The following AFG1L variants were observed in gnomAD, a reference collection of about 807,000 sequenced individuals.
AFG1L encodes AFG1 like ATPase.
AFG1L carries 53 observed loss-of-function variants against 62.2 expected under a neutral mutation model. The observed-to-expected ratio is 0.85, with a 90% CI of 0.68 to 1.07. AFG1L has a LOEUF of 1.07. Among genes scored for constraint, AFG1L ranks in the 50% least tolerant of loss-of-function variants. The probability of loss-of-function intolerance (pLI) is 0.00; values close to 1 mark genes in which losing one functional copy is unlikely to be tolerated. For missense variants in AFG1L, 555 were observed against 590.5 expected (o/e 0.94, Z 0.62); for synonymous variants, 228 against 210.3 (o/e 1.08, Z -0.73).
chr6:108,447,286 C>G lies in AFG1L; in HGVS notation c.880C>G (p.Leu294Val), dbSNP rs879438416. The G allele has an allele frequency of 6.3e-7, 1 of 1,586,518 alleles. No homozygotes were observed. The highest frequency in any genetic ancestry group is 8.7e-7 in the Non-Finnish European group (1 of 1,155,446). ...AAGGGAACTTCCTGCTGCAGGAAAA[C>G]TCTACTACCTGTAAGTGTTTCTAAT... ...RKRELPAAGK[L>V]YYLTSEADVE... The change falls in exon 8 of 13, where the codon CTC becomes GTC. Residue 294 changes from leucine to valine, a missense_variant. Physicochemically the swap from Leu to Val is conservative, Grantham distance 32. Coordinates refer to ENST00000368977, the MANE Select transcript of AFG1L (RefSeq NM_145315.5).
At chr6:108,510,155 C>A in intron 10 of AFG1L, 57 bp from the exon 11 acceptor site, 1 of 1,416,946 alleles carries the variant, frequency 7.1e-7, no homozygotes, top group Non-Finnish European at 9.6e-7. Context: ...TAAACCACTC[C>A]AAAGGCAACC....
chr6:108,339,611 C>T (rs1450404397), intron 2 of AFG1L, among the ~76,000 whole-genome samples: 2 of 151,958 alleles, frequency 1.3e-5, no homozygotes, highest in East Asian at 3.9e-4. Context: ...AGGTGTGTGC[C>T]ACCATGTCTG....
intron 11 of AFG1L, among the ~76,000 whole-genome samples, chr6:108,516,030 G>A (rs1289965729): frequency 1.3e-5 from 2 of 152,136 alleles, no homozygotes; most frequent in Non-Finnish European, 2.9e-5. Context: ...ACCAAAACGA[G>A]TCCAGGACCA....
intron 1 of AFG1L, among the ~76,000 whole-genome samples, chr6:108,321,687 C>T (rs986865953): frequency 3.9e-5 from 6 of 152,178 alleles, no homozygotes; most frequent in Non-Finnish European, 8.8e-5. Context: ...CATTTAGGAA[C>T]TCTCAACCTG....
chr6:108,295,068 A>G lies in AFG1L; in HGVS notation c.-12A>G, dbSNP rs375621580. 8.1e-5 allele frequency: 130 copies of G among 1,610,186 alleles called. No individual in the cohort carries two copies. The African/African-American group carries it at 1.2e-3, about 15-fold the overall frequency. On this transcript the variant is annotated 5_prime_UTR_variant, in exon 1 of 13. Coordinates refer to ENST00000368977, the MANE Select transcript of AFG1L (RefSeq NM_145315.5). ...AAAGTTTTCCTCTTCCTCTCCTCGT[A>G]CGGAGTTCAAGATGGCGGCCTCCTG...
chr6:108,299,617 G>A (rs548300478), intron 1 of AFG1L, among the ~76,000 whole-genome samples: 2 of 152,224 alleles, frequency 1.3e-5, no homozygotes, highest in Non-Finnish European at 2.9e-5. Flanking sequence ...TGGGAGCCAT[G>A]AGAATAGAAG....
chr6:108,366,568 G>GT (rs66847640), intron 6 of AFG1L, among the ~76,000 whole-genome samples: 103,074 of 145,326 alleles, frequency 0.71, 39,737 homozygotes, highest in Non-Finnish European at 0.88. Context: ...CTGTTTTTTT[G>GT]TTTTTTTTTT....
chr6:108,332,209 A>G (rs562734992), intron 2 of AFG1L, among the ~76,000 whole-genome samples: 4 of 152,214 alleles, frequency 2.6e-5, no homozygotes, highest in Non-Finnish European at 2.9e-5. Context: ...GATGACTGCT[A>G]CCTGACTAGA....
chr6:108,461,861 G>A (rs1325562342), intron 8 of AFG1L, among the ~76,000 whole-genome samples: 5 of 152,132 alleles, frequency 3.3e-5, no homozygotes, highest in Non-Finnish European at 7.4e-5. Context: ...TTGGGAGGCC[G>A]AGGTGGGCGG....
At chr6:108,431,774 G>A (rs1771087982) in intron 7 of AFG1L, among the ~76,000 whole-genome samples, 1 of 151,492 alleles carries the variant, frequency 6.6e-6, no homozygotes, top group African/African-American at 2.4e-5. Context: ...AGTAGAGACG[G>A]GGTTTCACCA....
intron 8 of AFG1L, among the ~76,000 whole-genome samples, chr6:108,476,459 A>G (rs1773107978): frequency 6.6e-6 from 1 of 152,210 alleles, no homozygotes; most frequent in Admixed American, 6.5e-5. Flanking sequence ...TGCAGCTTCA[A>G]TATTTAATTT....
At chr6:108,499,115 C>T (rs186747086) in intron 10 of AFG1L, among the ~76,000 whole-genome samples, 1 of 148,368 alleles carries the variant, frequency 6.7e-6, no homozygotes, top group East Asian at 2.0e-4. Flanking sequence ...GTCGCCCAGG[C>T]TGGAGTACAG....
At chr6:108,438,239 A>G (rs1021483480) in intron 7 of AFG1L, among the ~76,000 whole-genome samples, 2 of 152,216 alleles carry the variant, frequency 1.3e-5, no homozygotes, top group African/African-American at 4.8e-5. Context: ...GACTTAAACC[A>G]TGGAAATTCA....
chr6:108,427,295 C>T (rs72938639), intron 7 of AFG1L, among the ~76,000 whole-genome samples: 7,180 of 151,970 alleles, frequency 0.047, 261 homozygotes, highest in South Asian at 0.18. Flanking sequence ...TGCTATGTTG[C>T]CCAGGCTGGT....
chr6:108,336,031 G>A (rs1473261923), intron 2 of AFG1L, among the ~76,000 whole-genome samples: 1 of 152,144 alleles, frequency 6.6e-6, no homozygotes, highest in Non-Finnish European at 1.5e-5. Context: ...AGATTCTTTT[G>A]CAAATCAGCT....
intron 2 of AFG1L, among the ~76,000 whole-genome samples, chr6:108,334,995 C>CT (rs1673935795): frequency 6.6e-6 from 1 of 151,376 alleles, no homozygotes. Context: ...GTATTTCTTT[C>CT]TTTCTTTTTT....
rs1254898183 is a variant in AFG1L, at chr6:108,420,354, ATATTTTATTAAATTTATT to A, written c.807+18303_807+18320del. Among the ~76,000 whole-genome samples the A allele has an allele frequency of 6.0e-5, 9 of 150,388 alleles. No individual in the cohort carries two copies. In the East Asian group the frequency reaches 1.2e-3, roughly 19 times the overall value. The stretch of plus-strand genomic sequence containing the variant: ...TCTAAGTCTAGGAAATCTACCCAAG[ATATTTTATTAAATTTATT>A]TAATTTATTAAATTAAATAAAAATA... On this transcript the variant is annotated intron_variant, in intron 7 of 12. Coordinates refer to ENST00000368977, the MANE Select transcript of AFG1L (RefSeq NM_145315.5).
chr6:108,338,009 G>A (rs1222128278), intron 2 of AFG1L, among the ~76,000 whole-genome samples: 1 of 152,078 alleles, frequency 6.6e-6, no homozygotes, highest in Non-Finnish European at 1.5e-5. Context: ...AACATAGGGA[G>A]ATCTCATCTC....
intron 1 of AFG1L, among the ~76,000 whole-genome samples, chr6:108,301,017 A>T (rs977891194): frequency 4.6e-5 from 7 of 152,120 alleles, no homozygotes; most frequent in African/African-American, 1.7e-4. Context: ...CTTTATGTGA[A>T]CTTATTTCAT....
Sources: allele counts gnomAD v4.1 joint callset (sites outside exome capture counted in the v4.1 genomes callset), GRCh38; gene constraint gnomAD v4.1.1; transcripts MANE v1.5; gene names NCBI Gene and HGNC (gene_info 2026-07-23, HGNC 2026-07-21).